Variants in COL9A1 observed in about 807,000 individuals in gnomAD.
COL9A1 encodes the protein collagen alpha-1(IX) chain.
In COL9A1, 104 loss-of-function variants were observed where a neutral mutation model predicts 142.6. The ratio of observed to expected loss-of-function variants is 0.73; its 90% CI spans 0.62 to 0.86. The LOEUF (loss-of-function observed/expected upper bound fraction) is 0.86. Among genes scored for constraint, COL9A1 ranks in the 40% least tolerant of loss-of-function variants. COL9A1 has a pLI of 0.00. For missense variants in COL9A1, 1,210 were observed against 1,176.6 expected (o/e 1.03, Z -0.42); for synonymous variants, 466 against 396.0 (o/e 1.18, Z -2.10).
intron 19 of COL9A1, among the ~76,000 whole-genome samples, chr6:70,261,928 A>C (rs972708377): frequency 6.6e-6 from 1 of 152,196 alleles, no homozygotes; most frequent in Non-Finnish European, 1.5e-5. Flanking sequence ...GTACATTTAA[A>C]AAGTACATGC....
chr6:70,218,686 T>C (rs987835813), intron 37 of COL9A1, among the ~76,000 whole-genome samples: 5 of 152,240 alleles, frequency 3.3e-5, no homozygotes, highest in Admixed American at 2.6e-4. Flanking sequence ...CTATTTCAGT[T>C]GTCTTTTTAT....
At chr6:70,281,367 G>A (rs369035858) in intron 8 of COL9A1, 23 bp downstream of exon 8, 2 of 1,610,674 alleles carry the variant, frequency 1.2e-6, no homozygotes, top group Admixed American at 1.7e-5. Context: ...GGGAACAGAG[G>A]TGGCCTGGAG....
chr6:70,290,498 G>A (rs1183534959), intron 5 of COL9A1, among the ~76,000 whole-genome samples: 1 of 152,090 alleles, frequency 6.6e-6, no homozygotes, highest in African/African-American at 2.4e-5. Flanking sequence ...ATGTTTGAGT[G>A]GTAGACCATG....
At position 70,232,758 on chromosome 6, in the gene COL9A1, C is replaced by T; in HGVS notation, c.2328G>A (p.Glu776=). The change falls in exon 36 of 38, where the codon GAG becomes GAA. Residue 776 remains glutamate, a synonymous_variant. Transcript: ENST00000357250. ...CMRVIQEHFA[E]MAASLKRPDS... is the part of the protein sequence containing the mutation. ...CTGGACGCTTAAGACTGGCAGCCAT[C>T]TCAGCAAAATGTTCTAAAAGAGAAT... 1 of 1,612,960 alleles carries T rather than the reference C, an allele frequency of 6.2e-7. No individual in the cohort carries two copies. The highest frequency in any genetic ancestry group is 8.5e-7 in the Non-Finnish European group (1 of 1,179,468).
rs569644810 is a variant in COL9A1, at chr6:70,237,121, CCAA to C, written c.2112+2130_2112+2132del. ...TACAGGCATGAGCCACCTTGCCCTG[CCAA>C]CAACTTCTAAAAGAACCCAGAAGAG... On this transcript the variant is annotated intron_variant, in intron 33 of 37. Transcript: ENST00000357250. 1.1e-3 allele frequency among the ~76,000 whole-genome samples: 167 copies of C among 152,256 alleles called. 1 individual carries two copies. The highest frequency in any genetic ancestry group is 3.7e-3 in the African/African-American group (154 of 41,534).
rs753049699 is a variant in COL9A1, at chr6:70,242,013, A to T, written c.1949T>A (p.Leu650His). The T allele has an allele frequency of 6.3e-7, 1 of 1,599,050 alleles. No homozygotes were observed. Among genetic ancestry groups the T allele is most frequent in the Non-Finnish European group, 8.5e-7 (1 of 1,171,620 alleles). The change falls in exon 30 of 38, where the codon CTC (leucine) becomes CAC (histidine). Residue 650 changes from leucine (L) to histidine (H), a missense_variant. By Grantham distance (99) the Leu-to-His change is moderately conservative. Coordinates refer to ENST00000357250, the MANE Select transcript of COL9A1 (RefSeq NM_001851.6). ...GKLGSLGSPG[L>H]PGLPGPPGLP... ...TCCAGGGGGCCCAGGCAAGCCAGGG[A>T]GGCCAGGGCTACCCAGAGAACCCTG...
intron 15 of COL9A1, 44 bp from the exon 16 acceptor site, chr6:70,269,709 T>C (rs201061654): frequency 8.6e-6 from 11 of 1,275,830 alleles, no homozygotes; most frequent in Middle Eastern, 2.0e-4. Flanking sequence ...AATTAAATAA[T>C]GAATTCAAAC....
intron 5 of COL9A1, 111 bp from the exon 6 acceptor site, chr6:70,283,931 A>C: frequency 1.2e-6 from 1 of 808,644 alleles, no homozygotes; most frequent in South Asian, 1.5e-5. Flanking sequence ...ATCAACTTGA[A>C]CTGGTTGAGC....
Position 70,234,902 on chromosome 6 carries a change from C to T in COL9A1, c.2151G>A (p.Glu717=), listed in dbSNP as rs1769805859. ...NPGEPGLRGP[E]GSRGLPGVEG... is the part of the protein sequence containing the mutation. ...CCACTCCAGGAAGCCCCCGACTTCC[C>T]TCAGGCCCTCTCAAGCCAGGTTCCC... is the stretch of plus-strand genomic sequence containing the variant. Residue 717 remains glutamate, a synonymous_variant, in exon 34 of 38, where the codon GAG becomes GAA. Transcript: ENST00000357250. The T allele has an allele frequency of 6.2e-7, 1 of 1,614,064 alleles. No individual in the cohort carries two copies. Among genetic ancestry groups the T allele is most frequent in the African/African-American group, 1.3e-5 (1 of 74,918 alleles).
chr6:70,268,890 GA>G, intron 16 of COL9A1, 30 bp from the exon 17 acceptor site: 2 of 1,609,116 alleles, frequency 1.2e-6, no homozygotes, highest in Non-Finnish European at 1.7e-6. Context: ...CAAAGAGAAA[GA>G]AAGACAGACA....
At chr6:70,231,933 GT>G (rs1279788989) in intron 36 of COL9A1, among the ~76,000 whole-genome samples, 6 of 152,208 alleles carry the variant, frequency 3.9e-5, no homozygotes. Flanking sequence ...GTCCTGCTGA[GT>G]ACCTAACACA....
At chr6:70,242,446 G>T (rs1245876103) in intron 29 of COL9A1, among the ~76,000 whole-genome samples, 1 of 152,162 alleles carries the variant, frequency 6.6e-6, no homozygotes, top group Non-Finnish European at 1.5e-5. Flanking sequence ...ATTTCACCAG[G>T]TTTAAAAATG....
chr6:70,245,962 A>G (rs563659513), intron 28 of COL9A1: 2 of 152,290 alleles, frequency 1.3e-5, no homozygotes, highest in African/African-American at 4.8e-5. Flanking sequence ...CCCAAAAACC[A>G]AAAATAATGA....
chr6:70,237,786 A>C (rs1770005794), intron 33 of COL9A1, among the ~76,000 whole-genome samples: 1 of 152,366 alleles, frequency 6.6e-6, no homozygotes, highest in South Asian at 2.1e-4. Flanking sequence ...CATAGTGTTT[A>C]GAGGCAGGTA....
intron 10 of COL9A1, among the ~76,000 whole-genome samples, chr6:70,277,206 T>C (rs1772819673): frequency 6.6e-6 from 1 of 152,160 alleles, no homozygotes; most frequent in African/African-American, 2.4e-5. Context: ...AAATACTGTT[T>C]TTAAAGGTCT....
intron 28 of COL9A1, 123 bp from the exon 29 acceptor site, chr6:70,242,838 A>G: frequency 1.2e-6 from 1 of 817,408 alleles, no homozygotes; most frequent in Non-Finnish European, 2.1e-6. Context: ...AGGCCATCCT[A>G]CATAGTGCCT....
chr6:70,225,146 C>T (rs1222487972), intron 37 of COL9A1, among the ~76,000 whole-genome samples: 1 of 152,222 alleles, frequency 6.6e-6, no homozygotes, highest in Non-Finnish European at 1.5e-5. Context: ...TCCTAAGCCA[C>T]TGCCTCCCCA....
rs1016497258 is a variant in COL9A1, at chr6:70,253,508, A to G, written c.1720-79T>C. 3.2e-6 allele frequency: 3 copies of G among 951,044 alleles called. No individual in the cohort carries two copies. The African/African-American group carries it at 4.9e-5, about 16-fold the overall frequency. 58.9% of individuals were successfully genotyped at this position (951,044 alleles called of 1,614,324 possible). A position where few individuals can be genotyped will look rare whatever the true frequency, so the allele number is the denominator to read the frequency against. The stretch of plus-strand genomic sequence containing the variant: ...AGATGCCAAGCCCACTGCACACTGC[A>G]GGGAGGCTGAGGGAATCATGATAAC... On this transcript the variant is annotated intron_variant, in intron 25 of 37. Transcript: ENST00000357250.
intron 30 of COL9A1, 50 bp downstream of exon 30, chr6:70,241,914 A>C: frequency 5.5e-5 from 81 of 1,474,416 alleles, no homozygotes; most frequent in Non-Finnish European, 6.5e-5. Context: ...TCAACATGGT[A>C]GAAATCACCC....
Sources: gnomAD v4.1 joint callset for allele counts (sites outside exome capture counted in the v4.1 genomes callset) on GRCh38, gnomAD v4.1.1 for gene constraint, MANE v1.5 for transcripts, NCBI Gene and HGNC (gene_info 2026-07-23, HGNC 2026-07-21) for gene names.